The following N4BP2L2 variants were observed in gnomAD, a reference collection of about 807,000 sequenced individuals.
N4BP2L2 encodes NEDD4 binding protein 2 like 2.
Under a neutral mutation model 56.2 loss-of-function variants are expected in N4BP2L2, and 50 were observed. The observed-to-expected ratio is 0.89, with a 90% CI of 0.71 to 1.13. N4BP2L2 has a LOEUF of 1.13. N4BP2L2 is among the 50% of genes most tolerant of loss of function. N4BP2L2 has a pLI of 0.00. For synonymous variants in N4BP2L2, 203 were observed against 223.6 expected (o/e 0.91, Z 0.82); for missense variants, 689 against 693.8 (o/e 0.99, Z 0.08).
chr13:32,435,963 TG>T, intron 9 of N4BP2L2, among the ~76,000 whole-genome samples: 1 of 152,220 alleles, frequency 6.6e-6, no homozygotes, highest in Non-Finnish European at 1.5e-5. Flanking sequence ...AACATGAGTT[TG>T]TCTATATGTT....
chr13:32,500,544 T>TGCAAAAAAAAAA (rs201197139), intron 6 of N4BP2L2, among the ~76,000 whole-genome samples: 2 of 71,520 alleles, frequency 2.8e-5, no homozygotes, highest in African/African-American at 1.2e-4. Flanking sequence ...ATCCTGTCTC[T>TGCAAAAAAAAAA]ACAAAAAAAA....
At chr13:32,506,112 C>T (rs1047528418), downstream of N4BP2L2, 1 of 152,186 alleles carries the variant, frequency 6.6e-6, no homozygotes, top group African/African-American at 2.4e-5. Context: ...AGTCCAAGAT[C>T]AAGGTGTCAG....
chr13:32,492,275 T>TA (rs2139363288), intron 6 of N4BP2L2, among the ~76,000 whole-genome samples: 1 of 122,252 alleles, frequency 8.2e-6, no homozygotes, highest in East Asian at 2.3e-4. Context: ...ACACCAAAAT[T>TA]TTTTTTTTTT....
At chr13:32,523,086 T>C (rs2051453329) in intron 3 of N4BP2L2, 1 of 152,144 alleles carries the variant, frequency 6.6e-6, no homozygotes. Flanking sequence ...TTTTGCACTA[T>C]GAGATAAGAA....
chr13:32,529,260 T>C (rs540028282), intron 2 of N4BP2L2, among the ~76,000 whole-genome samples: 5 of 152,326 alleles, frequency 3.3e-5, no homozygotes, highest in East Asian at 1.9e-4. Context: ...GTGAACGTAA[T>C]TGCAGTTTTT....
chr13:32,531,095 A>G (rs950031948), intron 2 of N4BP2L2, among the ~76,000 whole-genome samples: 1 of 152,162 alleles, frequency 6.6e-6, no homozygotes, highest in Admixed American at 6.5e-5. Flanking sequence ...AACAATCTTG[A>G]GAGAGCTCTT....
exon 6 of N4BP2L2, chr13:32,516,669 C>T (rs2049275929): frequency 6.5e-6 from 1 of 155,034 alleles, no homozygotes; most frequent in African/African-American, 2.4e-5. Flanking sequence ...ATTTTTAAGA[C>T]AGCATTGTAA....
chr13:32,448,555 T>C (rs1459389294), intron 6 of N4BP2L2, among the ~76,000 whole-genome samples: 1 of 152,162 alleles, frequency 6.6e-6, no homozygotes, highest in East Asian at 1.9e-4. Context: ...TAGGGAGCAA[T>C]GGAGTGTACC....
chr13:32,517,645 C>G (rs2049528051), exon 6 of N4BP2L2: 2 of 1,404,422 alleles, frequency 1.4e-6, no homozygotes, highest in Non-Finnish European at 1.8e-6. Context: ...TTTTTATTTA[C>G]ACTTTAACAA....
At chr13:32,532,619 C>A (rs145333781) in intron 2 of N4BP2L2, among the ~76,000 whole-genome samples, 1,741 of 133,472 alleles carry the variant, frequency 0.013, 38 homozygotes, top group African/African-American at 0.047. Flanking sequence ...AAGACAGAGT[C>A]TTGCACTGTT....
At chr13:32,519,120 C>A (rs1021503326) in intron 5 of N4BP2L2, among the ~76,000 whole-genome samples, 2 of 151,560 alleles carry the variant, frequency 1.3e-5, no homozygotes, top group African/African-American at 4.9e-5. Flanking sequence ...AGAAAAAATG[C>A]GATGAAGTTG....
chr13:32,516,824 T>C, exon 6 of N4BP2L2: 1 of 842,164 alleles, frequency 1.2e-6, no homozygotes, highest in Non-Finnish European at 1.4e-6. Context: ...AGAGAAATGC[T>C]TAATTATCTA....
downstream of N4BP2L2, chr13:32,506,569 T>C (rs559703747): frequency 5.9e-5 from 9 of 152,258 alleles, no homozygotes; most frequent in African/African-American, 1.9e-4. Context: ...AGGGAAATAA[T>C]AATATACAAA....
At chr13:32,444,213 G>A in intron 6 of N4BP2L2, 1 of 1,047,616 alleles carries the variant, frequency 9.5e-7, no homozygotes, top group Non-Finnish European at 1.3e-6. Context: ...TCATGTGCAG[G>A]TTTAAAAACC....
intron 7 of N4BP2L2, among the ~76,000 whole-genome samples, chr13:32,439,759 T>A (rs1160668293): frequency 6.7e-6 from 1 of 149,872 alleles, no homozygotes; most frequent in East Asian, 2.0e-4. Flanking sequence ...ATGCCTGTAA[T>A]CCCAGCACTT....
chr13:32,463,564 T>G (rs1257628979), intron 6 of N4BP2L2, among the ~76,000 whole-genome samples: 1 of 150,138 alleles, frequency 6.7e-6, no homozygotes, highest in Non-Finnish European at 1.5e-5. Context: ...CTTGGGAGGC[T>G]GAGGCAGGAG....
At chr13:32,476,925 AT>A (rs1026168952) in intron 6 of N4BP2L2, among the ~76,000 whole-genome samples, 2 of 152,164 alleles carry the variant, frequency 1.3e-5, no homozygotes, top group African/African-American at 4.8e-5. Flanking sequence ...AACACAGACC[AT>A]TTTAGTTTTG....
At chr13:32,477,005 G>A (rs965618320) in intron 6 of N4BP2L2, among the ~76,000 whole-genome samples, 21 of 152,090 alleles carry the variant, frequency 1.4e-4, no homozygotes, top group African/African-American at 4.8e-5. Context: ...TCTGCAACCC[G>A]CAGTCAACTA....
intron 1 of N4BP2L2, 53 bp downstream of exon 1, chr13:32,538,565 G>A: frequency 1.1e-6 from 1 of 940,196 alleles, no homozygotes; most frequent in Non-Finnish European, 1.3e-6. Context: ...AGAAGTGAAA[G>A]CGAAAAACAC....
Sources: allele counts gnomAD v4.1 joint callset (sites outside exome capture counted in the v4.1 genomes callset), GRCh38; gene constraint gnomAD v4.1.1; transcripts MANE v1.5; gene names NCBI Gene and HGNC (gene_info 2026-07-23, HGNC 2026-07-21).